Variants in TASOR observed in about 807,000 individuals in gnomAD.
The protein encoded by TASOR is protein TASOR.
In TASOR, 53 loss-of-function variants were observed where a neutral mutation model predicts 178.6. That is an observed-to-expected ratio of 0.30 (90% CI 0.24 to 0.37). The LOEUF (loss-of-function observed/expected upper bound fraction) is 0.37. Among genes scored for constraint, TASOR ranks in the 10% least tolerant of loss-of-function variants. TASOR has a pLI of 1.00. For synonymous variants in TASOR, 713 were observed against 696.2 expected, an observed-to-expected ratio of 1.02 and a Z score of -0.38; for missense variants, 1,815 against 1,971.4, an observed-to-expected ratio of 0.92 and a Z score of 1.50.
intron 7 of TASOR, among the ~76,000 whole-genome samples, chr3:56,665,823 T>C (rs13093466): frequency 0.022 from 3,330 of 152,078 alleles, 68 homozygotes; most frequent in Non-Finnish European, 0.037. Flanking sequence ...TACAAAAAAA[T>C]TAGCCAGGCA....
chr3:56,623,174 G>C lies in TASOR; in HGVS notation c.4876C>G (p.Leu1626Val). 1.2e-6 allele frequency: 2 copies of C among 1,613,736 alleles called. No homozygotes were observed. The highest frequency in any genetic ancestry group is 2.2e-5 in the South Asian group (2 of 91,066). The change falls in exon 24 of 24, where the codon CTT (leucine) becomes GTT (valine). Residue 1626 changes from leucine to valine, a missense_variant. This residue lies in a region of TASOR where 278 missense variants were observed against 257.1 expected (regional missense o/e 1.08). Transcript: ENST00000683822. ...HQTFLGTPYA[L>V]SSSQSQENEN... is the part of the protein sequence containing the mutation. ...TTTTCTTGAGACTGACTTGATGAAA[G>C]GGCATATGGTGTCCCCAAAAATGTC... is the stretch of plus-strand genomic sequence containing the variant.
chr3:56,643,098 T>C (rs1479315646), intron 14 of TASOR, among the ~76,000 whole-genome samples: 3 of 151,614 alleles, frequency 2.0e-5, no homozygotes, highest in African/African-American at 7.3e-5. Flanking sequence ...ACCCTGTCTC[T>C]ACTAAAAATA....
At chr3:56,669,664 A>G (rs1485262767) in intron 5 of TASOR, 36 bp downstream of exon 5, 2 of 1,261,944 alleles carry the variant, frequency 1.6e-6, no homozygotes, top group Admixed American at 2.5e-5. Flanking sequence ...AATCAAGTGT[A>G]GTTTTTCATA....
Position 56,669,731 on chromosome 3 carries a change from A to G in TASOR, c.704T>C (p.Met235Thr), listed in dbSNP as rs1185810449. ...TATTTTAAAAATAACAACATCACCCATTGCCCCCGTGTCCAAAGGATTCGC... is the reference window on the plus strand; with the variant it reads ...TATTTTAAAAATAACAACATCACCCGTTGCCCCCGTGTCCAAAGGATTCGC... ...LQANPLDTGA[M>T]GDVVIFKIMK... Residue 235 changes from methionine (M) to threonine (T), a missense_variant, in exon 5 of 24, where the codon ATG (methionine) becomes ACG (threonine). This residue lies in a region of TASOR where 504 missense variants were observed against 645.3 expected (regional missense o/e 0.78). Transcript: ENST00000683822. 1 of 1,549,276 alleles carries G rather than the reference A, an allele frequency of 6.5e-7. No homozygotes were observed. The highest frequency in any genetic ancestry group is 1.4e-5 in the African/African-American group (1 of 72,976).
chr3:56,623,075 T>TC lies in TASOR; in HGVS notation c.4974dup (p.Lys1659GlufsTer3), dbSNP rs754059105. 3.0e-5 allele frequency: 48 copies of TC among 1,596,024 alleles called. No individual in the cohort carries two copies. The highest frequency in any genetic ancestry group is 4.1e-5 in the Non-Finnish European group (48 of 1,172,264). On this transcript the variant is annotated frameshift_variant, in exon 24 of 24. Transcript: ENST00000683822. LOFTEE classifies it high-confidence loss of function. ...GAATATGGCCTGGAAGAATCACTTT[T>TC]CCCCCAACTTAAGGGAGGTGGAGAT... is the stretch of plus-strand genomic sequence containing the variant.
intron 11 of TASOR, among the ~76,000 whole-genome samples, chr3:56,657,568 A>T (rs779488424): frequency 8.5e-5 from 13 of 152,194 alleles, no homozygotes; most frequent in Non-Finnish European, 1.5e-4. Flanking sequence ...GCTCTGCTCC[A>T]CAATAATAAA....
rs528051672 is a variant in TASOR at position 56,682,434 on chromosome 3, C to A, written c.331+242G>T. 2.0e-5 allele frequency among the ~76,000 whole-genome samples: 3 copies of A among 152,200 alleles called. No homozygotes were observed. In the East Asian group the frequency reaches 5.8e-4, roughly 29 times the overall value. ...TCTCTGGGAGCTGCAGCCTTACGGA[C>A]AAGCTTCAAACCTGAGCTACTTCCA... is the stretch of plus-strand genomic sequence containing the variant. On this transcript the variant is annotated intron_variant, in intron 1 of 23. Coordinates refer to ENST00000683822, the MANE Select transcript of TASOR (RefSeq NM_001365635.2).
Position 56,671,854 on chromosome 3 carries a change from G to A in TASOR, c.478-162C>T, listed in dbSNP as rs187721939. On this transcript the variant is annotated intron_variant, in intron 2 of 23. Coordinates refer to ENST00000683822, the MANE Select transcript of TASOR (RefSeq NM_001365635.2). ...CTTCAGTTTTTCCCCTATTTTAACT[G>A]GCTCTTTATATATAATATTAATATA... Among the ~76,000 whole-genome samples, 4 of 151,794 alleles carry A rather than the reference G, an allele frequency of 2.6e-5. No homozygotes were observed. In the East Asian group the frequency reaches 5.8e-4, roughly 22 times the overall value.
chr3:56,663,895 C>G lies in TASOR; in HGVS notation c.1023-323G>C, dbSNP rs2077652550. The G allele has an allele frequency of 3.1e-6, 3 of 975,658 alleles. No individual in the cohort carries two copies. The South Asian group carries it at 1.4e-4, about 46-fold the overall frequency. 60.4% of individuals were successfully genotyped at this position (975,658 alleles called of 1,614,324 possible). A position where few individuals can be genotyped will look rare whatever the true frequency, so the allele number is the denominator to read the frequency against. ...TTGCTGACATTAGAAGACACAGCCT[C>G]AATATATAAATATATTAATTCATCA... On this transcript the variant is annotated intron_variant, in intron 7 of 23. Coordinates refer to ENST00000683822, the MANE Select transcript of TASOR (RefSeq NM_001365635.2).
chr3:56,669,049 A>G (rs1325933582), intron 5 of TASOR, among the ~76,000 whole-genome samples: 1 of 142,662 alleles, frequency 7.0e-6, no homozygotes, highest in Non-Finnish European at 1.5e-5. Context: ...AATCACTAAA[A>G]GAAAAAAAAA....
At chr3:56,659,580 C>T (rs1011605714) in intron 11 of TASOR, among the ~76,000 whole-genome samples, 2 of 152,156 alleles carry the variant, frequency 1.3e-5, no homozygotes, top group Admixed American at 6.5e-5. Context: ...GTCATCCCAC[C>T]CGCCATCACC....
At chr3:56,667,775 T>C (rs561537930) in intron 6 of TASOR, among the ~76,000 whole-genome samples, 3 of 152,274 alleles carry the variant, frequency 2.0e-5, no homozygotes, top group South Asian at 2.1e-4. Context: ...CATCTCTATT[T>C]AAAAAGACAA....
In TASOR at chr3:56,623,105, C is replaced by A; in HGVS notation, c.4945G>T (p.Asp1649Tyr). Reference sequence around the variant, plus strand: ...CAACTTAAGGGAGGTGGAGATTTATCTCTATCCAAGCTTTCAGTATAAGCA... The same window carrying A: ...CAACTTAAGGGAGGTGGAGATTTATATCTATCCAAGCTTTCAGTATAAGCA... ...LSAYTESLDR[D>Y]KSPPPLSWGK... The change falls in exon 24 of 24, where the codon GAT becomes TAT. Residue 1649 changes from aspartate (D) to tyrosine (Y), a missense_variant. Around this residue, in one of 5 missense-constraint regions of TASOR, gnomAD observed 278 missense variants for 257.1 expected, o/e 1.08. Transcript: ENST00000683822. 1 of 1,611,876 alleles carries A rather than the reference C, an allele frequency of 6.2e-7. No individual in the cohort carries two copies. Among genetic ancestry groups the A allele is most frequent in the East Asian group, 2.2e-5 (1 of 44,798 alleles).
chr3:56,673,778 A>G (rs1363423303), intron 1 of TASOR, 53 bp from the exon 2 acceptor site: 1 of 1,406,352 alleles, frequency 7.1e-7, no homozygotes, highest in Non-Finnish European at 9.5e-7. Flanking sequence ...CATCTTAAAT[A>G]TAGCTTTTTA....
At chr3:56,664,264 G>C (rs2077661631) in intron 7 of TASOR, 1 of 152,202 alleles carries the variant, frequency 6.6e-6, no homozygotes, top group Non-Finnish European at 1.5e-5. Context: ...TTCACTCAAT[G>C]CTCCTTTGAA....
At chr3:56,627,240 C>T (rs1481739051) in intron 20 of TASOR, 95 bp from the exon 21 acceptor site, 1 of 717,624 alleles carries the variant, frequency 1.4e-6, no homozygotes, top group Non-Finnish European at 2.4e-6. Flanking sequence ...TGTAGAAACA[C>T]CTACTTTCCT....
At chr3:56,640,211 T>G in intron 15 of TASOR, 81 bp from the exon 16 acceptor site, 1 of 1,250,976 alleles carries the variant, frequency 8.0e-7, no homozygotes, top group Non-Finnish European at 1.1e-6. Context: ...TCACTGAAAA[T>G]TCACGTGCTT....
intron 16 of TASOR, 41 bp from the exon 17 acceptor site, chr3:56,638,806 G>GTAGGT: frequency 1.3e-6 from 2 of 1,592,330 alleles, no homozygotes; most frequent in Non-Finnish European, 1.7e-6. Flanking sequence ...AGACATTAGT[G>GTAGGT]ATACCTACAC....
chr3:56,626,453 A>G (rs2076801083), intron 21 of TASOR, among the ~76,000 whole-genome samples: 1 of 152,262 alleles, frequency 6.6e-6, no homozygotes, highest in African/African-American at 2.4e-5. Context: ...TTAAAAAAGG[A>G]AAATGCTGGC....
Sources: gnomAD v4.1 joint callset for allele counts (sites outside exome capture counted in the v4.1 genomes callset) on GRCh38, gnomAD v4.1.1 for gene constraint, gnomAD v4.1.1 regional missense constraint, MANE v1.5 for transcripts, NCBI Gene and HGNC (gene_info 2026-07-23, HGNC 2026-07-21) for gene names.